The following DYSF variants were observed in gnomAD, a reference collection of about 807,000 sequenced individuals.
The protein encoded by DYSF is dysferlin.
A neutral mutation model predicts 274.9 loss-of-function variants in DYSF; 212 were observed. That is an observed-to-expected ratio of 0.77 (90% CI 0.69 to 0.86). The LOEUF is 0.86. Among genes scored for constraint, DYSF ranks in the 40% least tolerant of loss-of-function variants. DYSF has a pLI of 0.00. For synonymous variants in DYSF, 1,091 were observed against 1,078.7 expected (o/e 1.01, Z -0.22); for missense variants, 2,666 against 2,783.2 (o/e 0.96, Z 0.95).
At chr2:71,551,368 C>T (rs568469440) in intron 18 of DYSF, among the ~76,000 whole-genome samples, 1 of 152,324 alleles carries the variant, frequency 6.6e-6, no homozygotes, top group East Asian at 1.9e-4. Flanking sequence ...CACCCAGGCC[C>T]CGTCTCTCTG....
intron 17 of DYSF, among the ~76,000 whole-genome samples, chr2:71,546,900 C>T (rs1343750962): frequency 1.3e-5 from 2 of 152,226 alleles, no homozygotes; most frequent in Admixed American, 6.5e-5. Flanking sequence ...CTTCTTCATG[C>T]ATGTTCCGGG....
chr2:71,502,660 A>G (rs2085099170), intron 3 of DYSF, among the ~76,000 whole-genome samples: 1 of 152,098 alleles, frequency 6.6e-6, no homozygotes, highest in Non-Finnish European at 1.5e-5. Context: ...TGTGGTATGG[A>G]CCGCCCAGGG....
At chr2:71,662,341 C>T (rs1400270181) in intron 45 of DYSF, among the ~76,000 whole-genome samples, 1 of 152,192 alleles carries the variant, frequency 6.6e-6, no homozygotes, top group African/African-American at 2.4e-5. Flanking sequence ...GGCCATAACC[C>T]ACTGCCCATT....
intron 3 of DYSF, among the ~76,000 whole-genome samples, chr2:71,492,785 C>T (rs1461433895): frequency 7.1e-6 from 1 of 141,386 alleles, no homozygotes; most frequent in Non-Finnish European, 1.5e-5. Flanking sequence ...TCATATTCAT[C>T]ACGGTCTTTG....
chr2:71,582,609 GGAAGA>G (rs1396546460), intron 30 of DYSF, among the ~76,000 whole-genome samples: 1 of 152,142 alleles, frequency 6.6e-6, no homozygotes, highest in Non-Finnish European at 1.5e-5. Context: ...GTGAAGACCT[GGAAGA>G]TCACCCTAGA....
chr2:71,622,410 A>G (rs73942363), intron 41 of DYSF, among the ~76,000 whole-genome samples: 3,138 of 152,262 alleles, frequency 0.021, 92 homozygotes, highest in African/African-American at 0.07. Context: ...AAATAATGAT[A>G]AACGTGTTAG....
intron 41 of DYSF, among the ~76,000 whole-genome samples, chr2:71,642,831 C>G (rs539335552): frequency 6.6e-6 from 1 of 152,332 alleles, no homozygotes; most frequent in African/African-American, 2.4e-5. Context: ...GCTCAGAGCA[C>G]TTGGCTTTAG....
intron 15 of DYSF, 22 bp from the exon 16 acceptor site, chr2:71,535,246 C>T (rs181812892): frequency 1.2e-6 from 2 of 1,613,398 alleles, no homozygotes; most frequent in African/African-American, 2.7e-5. Context: ...CTTCTCCCAA[C>T]ACGCCTCTAT....
chr2:71,553,317 C>T, intron 20 of DYSF, 129 bp downstream of exon 20: 7 of 1,316,416 alleles, frequency 5.3e-6, no homozygotes, highest in Non-Finnish European at 7.5e-6. Flanking sequence ...CCTGGCAAAC[C>T]TGTTCCAGCT....
chr2:71,553,750 C>CAAA, intron 20 of DYSF, 57 bp from the exon 21 acceptor site: 2 of 1,011,272 alleles, frequency 2.0e-6, no homozygotes, highest in Non-Finnish European at 2.9e-6. Flanking sequence ...TCTTAGCACC[C>CAAA]CATCCCACCC....
intron 1 of DYSF, among the ~76,000 whole-genome samples, chr2:71,475,190 C>T (rs1342217701): frequency 6.6e-6 from 1 of 152,184 alleles, no homozygotes; most frequent in Admixed American, 6.5e-5. Context: ...CACATGGCGC[C>T]TCCTTTCTTC....
intron 4 of DYSF, among the ~76,000 whole-genome samples, chr2:71,508,885 C>T (rs1281569018): frequency 6.6e-6 from 1 of 152,204 alleles, no homozygotes; most frequent in Non-Finnish European, 1.5e-5. Context: ...CGGTATGTCA[C>T]TCTGCTGCCC....
At chr2:71,539,340 G>A in intron 17 of DYSF, 101 bp downstream of exon 17, 1 of 1,040,926 alleles carries the variant, frequency 9.6e-7, no homozygotes, top group Non-Finnish European at 1.5e-6. Context: ...CAGAAAAGGG[G>A]AGATTATAAG....
chr2:71,478,195 CT>C (rs1157809520), intron 1 of DYSF, among the ~76,000 whole-genome samples: 4 of 151,002 alleles, frequency 2.6e-5, no homozygotes, highest in African/African-American at 9.8e-5. Context: ...AATAAAAGCT[CT>C]TTGGCATCCT....
chr2:71,487,476 A>G (rs548875839), intron 3 of DYSF, among the ~76,000 whole-genome samples: 1 of 152,320 alleles, frequency 6.6e-6, no homozygotes, highest in African/African-American at 2.4e-5. Flanking sequence ...CCCGCAGGGT[A>G]GAGAACTCAC....
At chr2:71,506,266 G>T (rs1206640973) in intron 4 of DYSF, among the ~76,000 whole-genome samples, 1 of 152,180 alleles carries the variant, frequency 6.6e-6, no homozygotes, top group Non-Finnish European at 1.5e-5. Flanking sequence ...CTGGAGGAGG[G>T]TCACAGCCAG....
intron 51 of DYSF, among the ~76,000 whole-genome samples, chr2:71,671,023 T>C (rs995062608): frequency 6.6e-6 from 1 of 152,146 alleles, no homozygotes; most frequent in Non-Finnish European, 1.5e-5. Context: ...AGGAAGGGGA[T>C]ATATGACGCG....
rs2152969882 is a variant in DYSF at position 71,680,943 on chromosome 2, C to T, written c.6064-58C>T. The T allele has an allele frequency of 2.0e-6, 3 of 1,473,260 alleles. No individual in the cohort carries two copies. In the Admixed American group the frequency reaches 5.1e-5, roughly 25 times the overall value. 91.3% of individuals were successfully genotyped at this position (1,473,260 alleles called of 1,614,324 possible). ...TTATGTTTTTTCTGGCCTGGTTACT[C>T]TCCAGGCCACTGAGCAGAGCCTTCG... is the stretch of plus-strand genomic sequence containing the variant. On this transcript the variant is annotated intron_variant, in intron 53 of 55. Coordinates refer to ENST00000410020, the MANE Select transcript of DYSF (RefSeq NM_001130987.2).
At position 71,570,623 on chromosome 2, in the gene DYSF, C is replaced by T. The variant is rs770593405; in HGVS notation, c.3110C>T (p.Pro1037Leu). The change falls in exon 29 of 56, where the codon CCC becomes CTC. Residue 1037 changes from proline to leucine, a missense_variant. Physicochemically the swap from Pro to Leu is moderately conservative, Grantham distance 98 (BLOSUM62 -3). Around this residue, in one of 3 missense-constraint regions of DYSF, gnomAD observed 1,460 missense variants for 1,502.1 expected, o/e 0.97. Coordinates refer to ENST00000410020, the MANE Select transcript of DYSF (RefSeq NM_001130987.2). ...GGCTGGGAGTATAGCATCACCATCC[C>T]CCCGGAGCGGAAGCCGAAGCACTGG... The part of the protein sequence containing the change: ...EQGWEYSITI[P>L]PERKPKHWVP... 3.1e-6 allele frequency: 5 copies of T among 1,614,076 alleles called. No individual in the cohort carries two copies. In the Admixed American group the frequency reaches 8.3e-5, roughly 27 times the overall value.
Sources: gnomAD v4.1 joint callset for allele counts (sites outside exome capture counted in the v4.1 genomes callset) on GRCh38, gnomAD v4.1.1 for gene constraint, gnomAD v4.1.1 regional missense constraint, MANE v1.5 for transcripts, NCBI Gene and HGNC (gene_info 2026-07-23, HGNC 2026-07-21) for gene names.